PFKP: variants seen among roughly 807,000 people sequenced by gnomAD.
The protein encoded by PFKP is ATP-dependent 6-phosphofructokinase, platelet type.
PFKP carries 101 observed loss-of-function variants against 94.3 expected under a neutral mutation model. The observed-to-expected ratio is 1.07, with a 90% confidence interval of 0.91 to 1.26. The LOEUF (loss-of-function observed/expected upper bound fraction) is 1.26. Ranked by LOEUF, PFKP falls within the 50% of genes most tolerant of loss-of-function variation. The pLI is 0.00. For synonymous variants in PFKP, 573 were observed against 432.6 expected, an observed-to-expected ratio of 1.32 and a Z score of -4.03; for missense variants, 1,145 against 1,103.3, an observed-to-expected ratio of 1.04 and a Z score of -0.53.
chr10:3,100,429 T>C (rs1834884077), intron 3 of PFKP, among the ~76,000 whole-genome samples: 1 of 152,102 alleles, frequency 6.6e-6, no homozygotes, highest in Admixed American at 6.5e-5. Context: ...TGGTGGTAGG[T>C]TTCATGTAAA....
intron 8 of PFKP, among the ~76,000 whole-genome samples, chr10:3,108,448 T>C (rs1174972347): frequency 1.3e-5 from 2 of 152,242 alleles, no homozygotes; most frequent in Admixed American, 6.5e-5. Context: ...AACGAACATA[T>C]TACTTGTATT....
At chr10:3,130,092 A>T in intron 17 of PFKP, 109 bp downstream of exon 17, 2 of 971,410 alleles carry the variant, frequency 2.1e-6, no homozygotes, top group South Asian at 3.4e-5. Context: ...ATGGAGATGG[A>T]GATGCTACAG....
chr10:3,068,740 C>A, intron 1 of PFKP: 1 of 977,248 alleles, frequency 1.0e-6, no homozygotes, highest in Non-Finnish European at 1.2e-6. Context: ...CAATCCCTGG[C>A]GGGTAGATCG....
chr10:3,067,563 C>A lies in PFKP; in HGVS notation c.-33C>A, dbSNP rs1001370244. The A allele has an allele frequency of 4.1e-6, 5 of 1,218,696 alleles. No homozygotes were observed. In the African/African-American group the frequency reaches 6.3e-5, roughly 15 times the overall value. 75.5% of individuals were successfully genotyped at this position (1,218,696 alleles called of 1,614,324 possible). On this transcript the variant is annotated 5_prime_UTR_variant, in exon 1 of 22. Coordinates refer to ENST00000381125, the MANE Select transcript of PFKP (RefSeq NM_002627.5). ...CAGGGTCCCCATTGCCTGCTGCGCA[C>A]CCGGACGTGCGGCTCCCCTCGGCCT... is the stretch of plus-strand genomic sequence containing the variant.
intron 7 of PFKP, among the ~76,000 whole-genome samples, chr10:3,106,986 C>T (rs1588483938): frequency 1.5e-5 from 1 of 64,638 alleles, no homozygotes; most frequent in African/African-American, 7.3e-5. Context: ...CACCCCTGCC[C>T]CTCTCCTCGC....
intron 2 of PFKP, among the ~76,000 whole-genome samples, chr10:3,088,438 T>C (rs1009741646): frequency 2.6e-5 from 4 of 152,098 alleles, no homozygotes; most frequent in Non-Finnish European, 4.4e-5. Context: ...AATTCTAAGA[T>C]AGAAAACACA....
intron 1 of PFKP, among the ~76,000 whole-genome samples, chr10:3,079,659 G>GGGA (rs1291232687): frequency 1.6e-5 from 1 of 63,416 alleles, no homozygotes; most frequent in Non-Finnish European, 3.8e-5. Context: ...TCAGAGAGCG[G>GGGA]GGTGGGGGGG....
intron 16 of PFKP, 59 bp from the exon 17 acceptor site, chr10:3,129,760 G>A: frequency 6.3e-7 from 1 of 1,585,254 alleles, no homozygotes; most frequent in Non-Finnish European, 8.6e-7. Flanking sequence ...GGGGAGCTCT[G>A]GGATGGTGGG....
intron 2 of PFKP, among the ~76,000 whole-genome samples, chr10:3,089,575 C>T (rs1342056845): frequency 3.3e-5 from 5 of 151,812 alleles, no homozygotes; most frequent in Non-Finnish European, 7.4e-5. Context: ...ACCTCAAGAA[C>T]AATCATCTCT....
intron 3 of PFKP, chr10:3,100,993 C>A: frequency 6.2e-7 from 1 of 1,611,760 alleles, no homozygotes; most frequent in Non-Finnish European, 8.5e-7. Flanking sequence ...GGCCGGCATG[C>A]TCTGGTGGTC....
intron 2 of PFKP, among the ~76,000 whole-genome samples, chr10:3,083,233 G>GA (rs1270912013): frequency 7.2e-5 from 11 of 152,318 alleles, no homozygotes; most frequent in African/African-American, 2.6e-4. Context: ...ATGTAAGGTG[G>GA]AAACGATGCC....
intron 21 of PFKP, among the ~76,000 whole-genome samples, 200 bp from the exon 22 acceptor site, chr10:3,136,246 AGAGC>A (rs1839309076): frequency 6.6e-6 from 1 of 152,122 alleles, no homozygotes; most frequent in African/African-American, 2.4e-5. Context: ...GCCTGGCGAC[AGAGC>A]GAGACTCCAC....
chr10:3,105,001 G>A (rs1444820444), intron 5 of PFKP, 114 bp from the exon 6 acceptor site: 4 of 984,450 alleles, frequency 4.1e-6, no homozygotes, highest in African/African-American at 3.2e-5. Context: ...GGCTAACTCG[G>A]CTGTCAAAGC....
intron 1 of PFKP, chr10:3,069,275 G>C: frequency 6.7e-7 from 1 of 1,500,022 alleles, no homozygotes; most frequent in South Asian, 1.3e-5. Context: ...TTCCTGCAGG[G>C]CTGGGTTCTC....
At position 3,078,031 on chromosome 10, in the gene PFKP, C is replaced by CA. The variant is rs1280803698; in HGVS notation, c.113-4353dup. 2.6e-5 allele frequency among the ~76,000 whole-genome samples: 4 copies of CA among 152,306 alleles called. No homozygotes were observed. The East Asian group carries it at 5.8e-4, about 22-fold the overall frequency. On this transcript the variant is annotated intron_variant, in intron 1 of 21. Coordinates refer to ENST00000381125, the MANE Select transcript of PFKP (RefSeq NM_002627.5). Reference sequence around the variant, plus strand: ...CCTGGAAATCCTTGGGTTGGGCTCCCAAAACCAAAACAAAACCAGATGGAT... The same window carrying CA: ...CCTGGAAATCCTTGGGTTGGGCTCCCAAAAACCAAAACAAAACCAGATGGAT...
intron 2 of PFKP, among the ~76,000 whole-genome samples, chr10:3,093,630 A>C (rs1390117041): frequency 1.4e-5 from 2 of 143,294 alleles, no homozygotes; most frequent in South Asian, 2.1e-4. Flanking sequence ...CACAGGAACA[A>C]GCATTATCTT....
chr10:3,130,853 A>G (rs4589191), intron 17 of PFKP, among the ~76,000 whole-genome samples: 37,309 of 152,072 alleles, frequency 0.25, 4,655 homozygotes, highest in East Asian at 0.3. Context: ...CACCGCGCCC[A>G]GCACCATTGT....
chr10:3,102,202 G>C (rs1410127294), intron 4 of PFKP, among the ~76,000 whole-genome samples: 1 of 130,278 alleles, frequency 7.7e-6, no homozygotes, highest in African/African-American at 2.9e-5. Flanking sequence ...AGTGAGCCGA[G>C]GTCCCGCCAC....
intron 14 of PFKP, 86 bp downstream of exon 14, chr10:3,116,932 C>T (rs781097757): frequency 3.2e-5 from 34 of 1,056,662 alleles, no homozygotes; most frequent in Non-Finnish European, 4.9e-5. Flanking sequence ...GGTGCCGACG[C>T]CAGTTGGATT....
Sources: allele counts gnomAD v4.1 joint callset (sites outside exome capture counted in the v4.1 genomes callset), GRCh38; gene constraint gnomAD v4.1.1; transcripts MANE v1.5; gene names NCBI Gene and HGNC (gene_info 2026-07-23, HGNC 2026-07-21).